MALRD1: variants seen among roughly 807,000 people sequenced by gnomAD.
The protein encoded by MALRD1 is MAM and LDL-receptor class A domain-containing protein 1.
MALRD1 carries 247 observed loss-of-function variants against 242.1 expected under a neutral mutation model. That is an observed-to-expected ratio of 1.02 (90% CI 0.92 to 1.13). The LOEUF is 1.13. Ranked by LOEUF, MALRD1 falls within the 50% of genes most tolerant of loss-of-function variation. The pLI is 0.00. For missense variants in MALRD1, 2,989 were observed against 2,533.1 expected (o/e 1.18, Z -3.86); for synonymous variants, 995 against 866.6 (o/e 1.15, Z -2.60).
intron 14 of MALRD1, among the ~76,000 whole-genome samples, chr10:19,191,254 CAAT>C (rs1835962232): frequency 6.6e-6 from 1 of 152,090 alleles, no homozygotes; most frequent in South Asian, 2.1e-4. Flanking sequence ...CAAATCAAAA[CAAT>C]GAGATACCAC....
chr10:19,386,981 C>T (rs1846107623), intron 26 of MALRD1, among the ~76,000 whole-genome samples: 1 of 152,060 alleles, frequency 6.6e-6, no homozygotes, highest in South Asian at 2.1e-4. Flanking sequence ...AAATTATAGA[C>T]AAATAAATAT....
At chr10:19,641,605 A>G (rs573665776) in intron 36 of MALRD1, among the ~76,000 whole-genome samples, 3 of 152,156 alleles carry the variant, frequency 2.0e-5, no homozygotes, top group Admixed American at 6.5e-5. Flanking sequence ...AATTATGGAA[A>G]AAACAGGACC....
At chr10:19,537,871 A>G (rs2085183123) in intron 32 of MALRD1, among the ~76,000 whole-genome samples, 1 of 152,110 alleles carries the variant, frequency 6.6e-6, no homozygotes, top group Non-Finnish European at 1.5e-5. Context: ...TTGGGGAGTA[A>G]TATTCAGTCC....
At chr10:19,183,305 C>A (rs1389521972) in intron 14 of MALRD1, among the ~76,000 whole-genome samples, 1 of 150,724 alleles carries the variant, frequency 6.6e-6, no homozygotes. Flanking sequence ...TTTTTCTTGT[C>A]TTCTTTGCAG....
chr10:19,656,579 AT>A (rs560444748), intron 36 of MALRD1, among the ~76,000 whole-genome samples: 22 of 149,352 alleles, frequency 1.5e-4, no homozygotes, highest in Non-Finnish European at 2.4e-4. Flanking sequence ...CACAGCAAAC[AT>A]TTTTTTTTTC....
At chr10:19,463,010 T>G (rs2131102938) in intron 29 of MALRD1, among the ~76,000 whole-genome samples, 1 of 152,266 alleles carries the variant, frequency 6.6e-6, no homozygotes. Context: ...CAAAATTTAG[T>G]TGCGTGGTTA....
At chr10:19,429,673 C>CT (rs1360303463) in intron 28 of MALRD1, among the ~76,000 whole-genome samples, 1 of 152,168 alleles carries the variant, frequency 6.6e-6, no homozygotes, top group Non-Finnish European at 1.5e-5. Context: ...CCAATATTCT[C>CT]AGCCCTATCC....
At chr10:19,573,224 G>A (rs2131479984) in intron 33 of MALRD1, among the ~76,000 whole-genome samples, 1 of 152,282 alleles carries the variant, frequency 6.6e-6, no homozygotes, top group African/African-American at 2.4e-5. Context: ...GGTCAAGGTG[G>A]TTGGAAACTC....
In MALRD1 at chr10:19,165,718, C is replaced by T; in HGVS notation, c.1738C>T (p.Gln580Ter). Residue 580 changes from glutamine to a stop codon, truncating the protein, a stop_gained, in exon 13 of 40, where the codon CAG (glutamine) becomes TAG (stop). Coordinates refer to ENST00000454679, the MANE Select transcript of MALRD1 (RefSeq NM_001142308.3). LOFTEE classifies it high-confidence loss of function. Reference sequence around the variant, plus strand: ...GTCTCTAGATGGAAACTTGCAAAAGCAGGGCAAAATAATCAGATTCTCCGA... The same window carrying T: ...GTCTCTAGATGGAAACTTGCAAAAGTAGGGCAAAATAATCAGATTCTCCGA... ...RTSLDGNLQK[Q>*]GKIIRFSESQ... is the part of the protein sequence containing the mutation. 2 of 1,231,634 alleles carry T rather than the reference C, an allele frequency of 1.6e-6. No individual in the cohort carries two copies. The highest frequency in any genetic ancestry group is 2.0e-6 in the Non-Finnish European group (2 of 987,940). 76.3% of individuals were successfully genotyped at this position (1,231,634 alleles called of 1,614,324 possible).
intron 32 of MALRD1, among the ~76,000 whole-genome samples, chr10:19,562,349 A>T (rs368905957): frequency 7.3e-6 from 1 of 137,766 alleles, no homozygotes. Flanking sequence ...AGATAGTTAG[A>T]TAGATAGATA....
intron 31 of MALRD1, among the ~76,000 whole-genome samples, chr10:19,518,035 A>G (rs1486798494): frequency 3.3e-5 from 5 of 152,228 alleles, no homozygotes; most frequent in Non-Finnish European, 7.3e-5. Context: ...TATGAGCCAA[A>G]CACAGAAGCA....
intron 36 of MALRD1, among the ~76,000 whole-genome samples, chr10:19,656,065 T>C (rs150926249): frequency 3.2e-3 from 483 of 152,284 alleles, no homozygotes; most frequent in African/African-American, 0.011. Flanking sequence ...GAGTGAATAT[T>C]GGTAAAACAA....
At chr10:19,348,337 A>C (rs1311443533) in intron 25 of MALRD1, among the ~76,000 whole-genome samples, 17 of 152,158 alleles carry the variant, frequency 1.1e-4, no homozygotes, top group Non-Finnish European at 1.5e-5. Flanking sequence ...TTCTCTTAAG[A>C]AGCTTAGTAC....
chr10:19,171,704 A>ATATGCACG (rs1834969250), intron 13 of MALRD1, among the ~76,000 whole-genome samples: 1 of 127,220 alleles, frequency 7.9e-6, no homozygotes, highest in African/African-American at 2.8e-5. Flanking sequence ...ATGTGTGTGT[A>ATATGCACG]TATATACGTA....
chr10:19,186,128 T>C (rs1272968352), intron 14 of MALRD1, among the ~76,000 whole-genome samples: 1 of 152,190 alleles, frequency 6.6e-6, no homozygotes, highest in Non-Finnish European at 1.5e-5. Flanking sequence ...CTTCCCCTTT[T>C]ATTAAATGCA....
intron 32 of MALRD1, among the ~76,000 whole-genome samples, chr10:19,553,296 T>C (rs1364633403): frequency 2.6e-5 from 4 of 152,134 alleles, no homozygotes; most frequent in Non-Finnish European, 5.9e-5. Context: ...TATTAAAAAA[T>C]AGTTTTCTGT....
chr10:19,122,564 C>A (rs1164932148), intron 5 of MALRD1, among the ~76,000 whole-genome samples: 2 of 152,028 alleles, frequency 1.3e-5, no homozygotes. Flanking sequence ...GTGATTGTAA[C>A]AAGCTGGAAC....
chr10:19,187,232 G>A (rs570290282), intron 14 of MALRD1, among the ~76,000 whole-genome samples: 1 of 152,216 alleles, frequency 6.6e-6, no homozygotes, highest in East Asian at 1.9e-4. Flanking sequence ...CCTAGCTGGG[G>A]ACAGACTGAC....
intron 20 of MALRD1, among the ~76,000 whole-genome samples, chr10:19,282,619 G>A (rs190777922): frequency 3.3e-5 from 5 of 152,200 alleles, no homozygotes; most frequent in Admixed American, 6.5e-5. Context: ...TGGAAACCTC[G>A]TTGCTTAAAC....
Sources: gnomAD v4.1 joint callset for allele counts (sites outside exome capture counted in the v4.1 genomes callset) on GRCh38, gnomAD v4.1.1 for gene constraint, MANE v1.5 for transcripts, NCBI Gene and HGNC (gene_info 2026-07-23, HGNC 2026-07-21) for gene names.